KLB: variants seen among roughly 807,000 people sequenced by gnomAD.
KLB encodes the protein beta-klotho.
Under a neutral mutation model 88.4 loss-of-function variants are expected in KLB, and 44 were observed. The observed-to-expected ratio is 0.50, with a 90% CI of 0.39 to 0.64. KLB has a LOEUF of 0.64. Ranked by LOEUF, KLB falls within the 30% of genes least tolerant of loss-of-function variation. KLB has a pLI of 0.00. For synonymous variants in KLB, 548 were observed against 513.4 expected, an observed-to-expected ratio of 1.07 and a Z score of -0.91; for missense variants, 1,137 against 1,304.8, an observed-to-expected ratio of 0.87 and a Z score of 1.98.
intron 1 of KLB, among the ~76,000 whole-genome samples, chr4:39,431,413 G>A (rs1277736828): frequency 6.6e-6 from 1 of 152,136 alleles, no homozygotes; most frequent in African/African-American, 2.4e-5. Context: ...CACCACGACC[G>A]GCTAATTTTG....
At chr4:39,423,984 GTGAGAC>G (rs1341468168) in intron 1 of KLB, among the ~76,000 whole-genome samples, 9 of 151,868 alleles carry the variant, frequency 5.9e-5, no homozygotes, top group African/African-American at 2.2e-4. Context: ...GGGCAACATA[GTGAGAC>G]CCTGTCTCTG....
chr4:39,443,594 A>T (rs1436184261), intron 3 of KLB, among the ~76,000 whole-genome samples: 1 of 141,076 alleles, frequency 7.1e-6, no homozygotes, highest in Non-Finnish European at 1.6e-5. Context: ...TGTCTCTACA[A>T]AAAAAAAAAA....
At position 39,449,375 on chromosome 4, in the gene KLB, A is replaced by G. The variant is rs879096262; in HGVS notation, c.*689A>G. 5 of 151,932 alleles carry G rather than the reference A, an allele frequency of 3.3e-5. No individual in the cohort carries two copies. The highest frequency in any genetic ancestry group is 2.1e-4 in the South Asian group (1 of 4,810). 9.4% of individuals were successfully genotyped at this position (151,932 alleles called of 1,614,324 possible). ...TTTGTTTTGTTAGACTCTACAGCAG[A>G]GATTTAACACCCTTCTTTAAACTGG... On this transcript the variant is annotated 3_prime_UTR_variant, in exon 5 of 5. Coordinates refer to ENST00000257408, the MANE Select transcript of KLB (RefSeq NM_175737.4).
intron 1 of KLB, among the ~76,000 whole-genome samples, chr4:39,411,292 G>A (rs1742836065): frequency 1.3e-5 from 2 of 150,270 alleles, no homozygotes; most frequent in Non-Finnish European, 3.0e-5. Context: ...CACAGCGCCC[G>A]GCCTCAAAAC....
chr4:39,416,016 T>A (rs1487194037), intron 1 of KLB, among the ~76,000 whole-genome samples: 1 of 152,024 alleles, frequency 6.6e-6, no homozygotes, highest in Non-Finnish European at 1.5e-5. Flanking sequence ...AGGCATTCAA[T>A]GAGTAATTGA....
intron 4 of KLB, 31 bp downstream of exon 4, chr4:39,447,506 A>C: frequency 6.7e-7 from 1 of 1,494,618 alleles, no homozygotes; most frequent in South Asian, 1.3e-5. Flanking sequence ...GACACAGGGC[A>C]GAGCGAGATT....
At chr4:39,412,903 A>G (rs960366025) in intron 1 of KLB, among the ~76,000 whole-genome samples, 5 of 152,238 alleles carry the variant, frequency 3.3e-5, no homozygotes, top group East Asian at 1.9e-4. Flanking sequence ...TTCAATCTTC[A>G]TATTTCATTG....
At chr4:39,430,746 G>A (rs1056547101) in intron 1 of KLB, among the ~76,000 whole-genome samples, 3 of 145,820 alleles carry the variant, frequency 2.1e-5, no homozygotes, top group Non-Finnish European at 3.0e-5. Context: ...GACTACAGGC[G>A]CATGCCACCA....
chr4:39,409,620 C>T (rs910208008), intron 1 of KLB, among the ~76,000 whole-genome samples: 1 of 151,424 alleles, frequency 6.6e-6, no homozygotes, highest in Non-Finnish European at 1.5e-5. Context: ...AATTCATGCT[C>T]ATGTACATTT....
At chr4:39,423,914 A>G (rs560129815) in intron 1 of KLB, among the ~76,000 whole-genome samples, 14 of 151,884 alleles carry the variant, frequency 9.2e-5, no homozygotes, top group African/African-American at 3.4e-4. Context: ...GGCCAGGTAC[A>G]GTAGCTCAGG....
chr4:39,435,242 T>G (rs1451172146), intron 2 of KLB, among the ~76,000 whole-genome samples: 1 of 149,024 alleles, frequency 6.7e-6, no homozygotes, highest in Non-Finnish European at 1.5e-5. Context: ...TTCAGCCTCC[T>G]GAGTAGCTGG....
In KLB at chr4:39,446,897, G is replaced by A. The variant is rs754665383; in HGVS notation, c.2171G>A (p.Arg724His). 3 of 1,606,914 alleles carry A rather than the reference G, an allele frequency of 1.9e-6. No individual in the cohort carries two copies. The highest frequency in any genetic ancestry group is 2.2e-5 in the South Asian group (2 of 90,890). The part of the protein sequence containing the change: ...NLLVAHALAW[R>H]LYDRQFRPSQ... ...CTGGTGGCCCACGCCCTGGCCTGGC[G>A]CCTCTACGACCGGCAGTTCAGGCCC... The change falls in exon 4 of 5, where the codon CGC becomes CAC. Residue 724 changes from arginine to histidine, a missense_variant. Around this residue, in one of 4 missense-constraint regions of KLB, gnomAD observed 597 missense variants for 765.2 expected, o/e 0.78. Coordinates refer to ENST00000257408, the MANE Select transcript of KLB (RefSeq NM_175737.4). The surrounding 1 kb of genome is among the most constrained non-coding windows in gnomAD (Gnocchi z 6.4).
At position 39,448,765 on chromosome 4, in the gene KLB, T is replaced by C. The variant is rs887764304; in HGVS notation, c.*79T>C. On this transcript the variant is annotated 3_prime_UTR_variant, in exon 5 of 5. Coordinates refer to ENST00000257408, the MANE Select transcript of KLB (RefSeq NM_175737.4). ...TGGTAACTTACAGGAGATATACCTG[T>C]ATTATAGAAAGACAATCTGAGATAC... is the stretch of plus-strand genomic sequence containing the variant. The C allele has an allele frequency of 7.5e-7, 1 of 1,340,006 alleles. No individual in the cohort carries two copies. Among genetic ancestry groups the C allele is most frequent in the Non-Finnish European group, 1.0e-6 (1 of 982,574 alleles). The allele number at this position is 1,340,006 out of a possible 1,614,324, so 83.0% of individuals were successfully genotyped here.
chr4:39,444,652 A>G (rs939256023), intron 3 of KLB, among the ~76,000 whole-genome samples: 4 of 152,202 alleles, frequency 2.6e-5, no homozygotes, highest in Non-Finnish European at 5.9e-5. Flanking sequence ...AGACATTTTT[A>G]TTTGATCTTG....
Position 39,407,506 on chromosome 4 carries a change from A to G in KLB, c.557A>G (p.Asn186Ser). The change falls in exon 1 of 5, where the codon AAC becomes AGC. Residue 186 changes from asparagine to serine, a missense_variant. This residue lies in a region of KLB where 597 missense variants were observed against 765.2 expected (regional missense o/e 0.78). Transcript: ENST00000257408. ...CTTCTGGACGCTCTAGTGCTTAGAA[A>G]CATTGAACCTATAGTTACTTTATAC... ...STLLDALVLR[N>S]IEPIVTLYHW... 1 of 1,614,180 alleles carries G rather than the reference A, an allele frequency of 6.2e-7. No homozygotes were observed. Among genetic ancestry groups the G allele is most frequent in the Non-Finnish European group, 8.5e-7 (1 of 1,180,018 alleles).
intron 1 of KLB, among the ~76,000 whole-genome samples, chr4:39,424,218 A>C (rs1578205285): frequency 6.6e-6 from 1 of 151,526 alleles, no homozygotes; most frequent in East Asian, 1.9e-4. Flanking sequence ...TTACAGGTGC[A>C]CACCACCATA....
In KLB at chr4:39,450,405, T is replaced by G. The variant is rs1308360901; in HGVS notation, c.*1719T>G. ...TTCTAGGTCCACCTATGTCTGAAGCTAAATTCAGTATCTAACTGCTAATGA... is the reference window on the plus strand; with the variant it reads ...TTCTAGGTCCACCTATGTCTGAAGCGAAATTCAGTATCTAACTGCTAATGA... On this transcript the variant is annotated 3_prime_UTR_variant, in exon 5 of 5. Transcript: ENST00000257408. The G allele has an allele frequency of 1.3e-5, 2 of 152,230 alleles. No homozygotes were observed. Among genetic ancestry groups the G allele is most frequent in the African/African-American group, 4.8e-5 (2 of 41,460 alleles). The allele number at this position is 152,230 out of a possible 1,614,324, so 9.4% of individuals were successfully genotyped here.
chr4:39,432,960 C>A (rs1455122120), intron 1 of KLB, among the ~76,000 whole-genome samples: 3 of 145,934 alleles, frequency 2.1e-5, no homozygotes, highest in Admixed American at 6.8e-5. Context: ...CTCACTGCAA[C>A]CTCTGCCTTC....
chr4:39,409,909 G>A (rs1214634084), intron 1 of KLB, among the ~76,000 whole-genome samples: 3 of 152,018 alleles, frequency 2.0e-5, no homozygotes, highest in African/African-American at 7.2e-5. Context: ...GGGCGAGAGT[G>A]AAACTCTGTC....
Sources: gnomAD v4.1 joint callset for allele counts (sites outside exome capture counted in the v4.1 genomes callset) on GRCh38, gnomAD v4.1.1 for gene constraint, gnomAD v4.1.1 regional missense constraint, Gnocchi (gnomAD v3.1) non-coding constraint, MANE v1.5 for transcripts, NCBI Gene and HGNC (gene_info 2026-07-23, HGNC 2026-07-21) for gene names.